CCDC146: variants seen among roughly 807,000 people sequenced by gnomAD.
The protein encoded by CCDC146 is coiled-coil domain containing 146, also known as coiled-coil domain-containing protein 146.
Under a neutral mutation model 119.3 loss-of-function variants are expected in CCDC146, and 92 were observed. The ratio of observed to expected loss-of-function variants is 0.77; its 90% CI spans 0.65 to 0.92. The LOEUF (loss-of-function observed/expected upper bound fraction) is 0.92, where lower values mean the gene tolerates loss of function less well. CCDC146 is among the 40% of genes least tolerant of loss of function. The probability of loss-of-function intolerance (pLI) is 0.00; values close to 1 mark genes in which losing one functional copy is unlikely to be tolerated. For synonymous variants in CCDC146, 372 were observed against 371.8 expected, an observed-to-expected ratio of 1.00 and a Z score of -0.01; for missense variants, 1,000 against 1,103.0, an observed-to-expected ratio of 0.91 and a Z score of 1.32.
At chr7:77,210,352 C>T (rs1349624512) in intron 2 of CCDC146, among the ~76,000 whole-genome samples, 2 of 152,178 alleles carry the variant, frequency 1.3e-5, no homozygotes, top group Non-Finnish European at 1.5e-5. Flanking sequence ...ACAATGCCAC[C>T]AGTCTCTTTG....
chr7:77,256,511 T>A lies in CCDC146; in HGVS notation c.684+2T>A. ...TTGGGACATCAGGTCGTCCTAAAGG[T>A]GTGCTACTTACCGTTGATATTTAAA... On this transcript the variant is annotated splice_donor_variant, in intron 6 of 18. Coordinates refer to ENST00000285871, the MANE Select transcript of CCDC146 (RefSeq NM_020879.3). LOFTEE classifies it high-confidence loss of function. 6.3e-7 allele frequency: 1 copy of A among 1,596,128 alleles called. No homozygotes were observed. Among genetic ancestry groups the A allele is most frequent in the Non-Finnish European group, 8.5e-7 (1 of 1,174,774 alleles).
Position 77,280,643 on chromosome 7 carries a change from C to G in CCDC146, c.1909C>G (p.Arg637Gly). The change falls in exon 14 of 19, where the codon CGA becomes GGA. Residue 637 changes from arginine to glycine, a missense_variant. Arg to Gly is a moderately radical substitution (Grantham distance 125, BLOSUM62 -2). This residue lies in a region of CCDC146 where 985 missense variants were observed against 1,045.3 expected (regional missense o/e 0.94). Transcript: ENST00000285871. ...RKRYEKAVQH[R>G]NESGVQLIER... The stretch of plus-strand genomic sequence containing the variant: ...AAGATACGAAAAAGCTGTTCAGCAT[C>G]GAAATGAAAGGTAAAAACCAGGTGT... 6.2e-7 allele frequency: 1 copy of G among 1,609,706 alleles called. No individual in the cohort carries two copies. Among genetic ancestry groups the G allele is most frequent in the South Asian group, 1.1e-5 (1 of 90,148 alleles).
intron 1 of CCDC146, among the ~76,000 whole-genome samples, chr7:77,157,263 CTG>C (rs1791192756): frequency 8.3e-6 from 1 of 120,306 alleles, no homozygotes; most frequent in South Asian, 2.8e-4. Context: ...TTACACCCTG[CTG>C]TTTCTAAAAT....
intron 2 of CCDC146, chr7:77,199,153 T>C: frequency 6.3e-7 from 1 of 1,582,018 alleles, no homozygotes; most frequent in Non-Finnish European, 8.6e-7. Context: ...TTTATGAACA[T>C]ATGATAAGAA....
At chr7:77,138,982 C>G (rs866642943) in intron 1 of CCDC146, among the ~76,000 whole-genome samples, 43 of 152,316 alleles carry the variant, frequency 2.8e-4, no homozygotes, top group African/African-American at 9.9e-4. Context: ...ATACTCTTAA[C>G]ATATATCCAG....
At chr7:77,189,232 G>A (rs1199086763) in intron 2 of CCDC146, among the ~76,000 whole-genome samples, 1 of 151,986 alleles carries the variant, frequency 6.6e-6, no homozygotes, top group Non-Finnish European at 1.5e-5. Flanking sequence ...GCAGACTTCC[G>A]CATTTCTGTT....
chr7:77,142,218 G>A (rs184273270), intron 1 of CCDC146, among the ~76,000 whole-genome samples: 32 of 152,236 alleles, frequency 2.1e-4, no homozygotes, highest in Admixed American at 5.2e-4. Context: ...TCTGGCCAGG[G>A]CAATCAGGCA....
intron 9 of CCDC146, among the ~76,000 whole-genome samples, chr7:77,273,160 T>C (rs2150532804): frequency 6.6e-6 from 1 of 152,320 alleles, no homozygotes; most frequent in South Asian, 2.1e-4. Flanking sequence ...GCAAGTTGCT[T>C]AAATGTGTTT....
At chr7:77,204,021 A>G (rs1792042008) in intron 2 of CCDC146, among the ~76,000 whole-genome samples, 1 of 148,068 alleles carries the variant, frequency 6.8e-6, no homozygotes, top group Non-Finnish European at 1.5e-5. Context: ...CCCCTAATAC[A>G]GTTTTTTTTT....
rs1185290854 is a variant in CCDC146 at position 77,252,615 on chromosome 7, T to G, written c.450-1891T>G. 6.6e-5 allele frequency among the ~76,000 whole-genome samples: 10 copies of G among 152,294 alleles called. No individual in the cohort carries two copies. In the East Asian group the frequency reaches 1.9e-3, roughly 29 times the overall value. ...CAGTAAGAAATTAAACATAAAAATT[T>G]GGAGCTCCAGGGAAATTCTGAACTG... On this transcript the variant is annotated intron_variant, in intron 4 of 18. Transcript: ENST00000285871.
At chr7:77,168,253 A>C (rs1791367713) in intron 2 of CCDC146, among the ~76,000 whole-genome samples, 1 of 152,100 alleles carries the variant, frequency 6.6e-6, no homozygotes, top group African/African-American at 2.4e-5. Flanking sequence ...GTTTTCTATC[A>C]GCAAATAAGC....
At chr7:77,215,483 G>C (rs1792286391) in intron 2 of CCDC146, among the ~76,000 whole-genome samples, 1 of 152,064 alleles carries the variant, frequency 6.6e-6, no homozygotes, top group Admixed American at 6.5e-5. Context: ...ATGGTATTTA[G>C]AGACTAGAAT....
rs370063767 is a variant in CCDC146 at position 77,257,753 on chromosome 7, A to G, written c.685-1242A>G. ...GTGTTACCCCTGGCTCCAAAGTCCA[A>G]TGACAACCTCGGGCAGGAAGGGGCT... is the stretch of plus-strand genomic sequence containing the variant. On this transcript the variant is annotated intron_variant, in intron 6 of 18. Coordinates refer to ENST00000285871, the MANE Select transcript of CCDC146 (RefSeq NM_020879.3). 6.9e-4 allele frequency among the ~76,000 whole-genome samples: 105 copies of G among 152,166 alleles called. No individual in the cohort carries two copies. In the South Asian group the frequency reaches 0.016, roughly 23 times the overall value.
At chr7:77,203,259 A>G (rs1792026361) in intron 2 of CCDC146, among the ~76,000 whole-genome samples, 1 of 152,080 alleles carries the variant, frequency 6.6e-6, no homozygotes, top group Non-Finnish European at 1.5e-5. Context: ...GACAACTCTG[A>G]AATTTGCCTC....
At chr7:77,133,288 A>C (rs1290607212) in intron 1 of CCDC146, among the ~76,000 whole-genome samples, 1 of 152,236 alleles carries the variant, frequency 6.6e-6, no homozygotes, top group Non-Finnish European at 1.5e-5. Flanking sequence ...ATTTACACTT[A>C]GTGCTACACT....
chr7:77,157,196 A>G (rs1306702392), intron 1 of CCDC146, among the ~76,000 whole-genome samples: 2 of 99,226 alleles, frequency 2.0e-5, no homozygotes, highest in Non-Finnish European at 3.9e-5. Context: ...GTCACAAAAA[A>G]GAACACTCAG....
Position 77,225,814 on chromosome 7 carries a change from G to A in CCDC146, c.157-11133G>A, listed in dbSNP as rs372325737. 2.6e-5 allele frequency among the ~76,000 whole-genome samples: 4 copies of A among 151,646 alleles called. No homozygotes were observed. The South Asian group carries it at 8.3e-4, about 32-fold the overall frequency. ...AAAAATTAGCTTGGCATGGTGGCGG[G>A]CACCTGTAATCCCAGCTACTCAGGA... On this transcript the variant is annotated intron_variant, in intron 2 of 18. Transcript: ENST00000285871.
chr7:77,288,559 A>C (rs1793889471), intron 17 of CCDC146, among the ~76,000 whole-genome samples: 2 of 152,214 alleles, frequency 1.3e-5, no homozygotes, highest in African/African-American at 4.8e-5. Context: ...TTTCATGCAT[A>C]CCATAGAGCC....
At chr7:77,157,754 AGT>A (rs1181171345) in intron 1 of CCDC146, among the ~76,000 whole-genome samples, 1 of 152,120 alleles carries the variant, frequency 6.6e-6, no homozygotes, top group East Asian at 1.9e-4. Flanking sequence ...GCTCCCTGTA[AGT>A]GTGCAGTGTG....
Sources: allele counts gnomAD v4.1 joint callset (sites outside exome capture counted in the v4.1 genomes callset), GRCh38; gene constraint gnomAD v4.1.1; regional missense constraint gnomAD v4.1.1; transcripts MANE v1.5; gene names NCBI Gene and HGNC (gene_info 2026-07-23, HGNC 2026-07-21).